Variants in TMED5 observed in about 807,000 individuals in gnomAD.
TMED5 encodes the protein transmembrane p24 trafficking protein 5, also known as transmembrane emp24 domain-containing protein 5.
Under a neutral mutation model 23.0 loss-of-function variants are expected in TMED5, and 27 were observed. The ratio of observed to expected loss-of-function variants is 1.17; its 90% confidence interval spans 0.86 to 1.62. The LOEUF (loss-of-function observed/expected upper bound fraction) is 1.62, where lower values mean the gene tolerates loss of function less well. Ranked by LOEUF, TMED5 falls within the 40% of genes most tolerant of loss-of-function variation. TMED5 has a pLI of 0.00. For missense variants in TMED5, 248 were observed against 273.7 expected (o/e 0.91, Z 0.66); for synonymous variants, 97 against 100.8 (o/e 0.96, Z 0.23).
chr1:93,163,461 C>CA (rs1648361034), intron 1 of TMED5, among the ~76,000 whole-genome samples: 1 of 151,406 alleles, frequency 6.6e-6, no homozygotes, highest in Non-Finnish European at 1.5e-5. Context: ...TCTCCCGCCT[C>CA]AGTGTCCTGA....
intron 1 of TMED5, among the ~76,000 whole-genome samples, chr1:93,178,140 G>A (rs1034457312): frequency 6.6e-6 from 1 of 152,068 alleles, no homozygotes; most frequent in African/African-American, 2.4e-5. Context: ...CAAAATTAAG[G>A]AAAACCTACT....
intron 2 of TMED5, among the ~76,000 whole-genome samples, chr1:93,156,712 G>A (rs1469591768): frequency 6.7e-6 from 1 of 149,736 alleles, no homozygotes; most frequent in Non-Finnish European, 1.5e-5. Context: ...AATTAGCAGA[G>A]TGTGAGGATT....
chr1:93,152,608 A>G lies in TMED5; in HGVS notation c.*2062T>C, dbSNP rs1409802978. 1 of 152,656 alleles carries G rather than the reference A, an allele frequency of 6.6e-6. No individual in the cohort carries two copies. 9.5% of individuals were successfully genotyped at this position (152,656 alleles called of 1,614,324 possible). On this transcript the variant is annotated 3_prime_UTR_variant, in exon 4 of 4. Coordinates refer to ENST00000370282, the MANE Select transcript of TMED5 (RefSeq NM_016040.5). The stretch of plus-strand genomic sequence containing the variant: ...AGGTTTAAGATCAGTGGCACAAATC[A>G]TACATGTAGAAGATTATGTAACAAA...
Position 93,149,968 on chromosome 1 carries a change from T to G in TMED5, c.*4702A>C, listed in dbSNP as rs1221865044. ...GAGTTCGAGACCAGCCTGGGCAACATGGCGAAATTAATTAGTCAGAAATAT... is the reference window on the plus strand; with the variant it reads ...GAGTTCGAGACCAGCCTGGGCAACAGGGCGAAATTAATTAGTCAGAAATAT... On this transcript the variant is annotated 3_prime_UTR_variant, in exon 4 of 4. Coordinates refer to ENST00000370282, the MANE Select transcript of TMED5 (RefSeq NM_016040.5). 6.6e-6 allele frequency: 1 copy of G among 152,176 alleles called. No homozygotes were observed. The highest frequency in any genetic ancestry group is 1.5e-5 in the Non-Finnish European group (1 of 68,042). The allele number at this position is 152,176 out of a possible 1,614,324, so 9.4% of individuals were successfully genotyped here. A position where few individuals can be genotyped will look rare whatever the true frequency, so the allele number is the denominator to read the frequency against.
chr1:93,157,123 T>G (rs1224767067), intron 2 of TMED5, among the ~76,000 whole-genome samples: 1 of 152,180 alleles, frequency 6.6e-6, no homozygotes, highest in Non-Finnish European at 1.5e-5. Context: ...TATGCAGATA[T>G]GACTGCCAAC....
At chr1:93,179,153 G>T (rs961774674) in intron 1 of TMED5, among the ~76,000 whole-genome samples, 1 of 152,142 alleles carries the variant, frequency 6.6e-6, no homozygotes, top group African/African-American at 2.4e-5. Context: ...CCTGAGGTCG[G>T]GAGTTCGAGA....
Position 93,180,262 on chromosome 1 carries a change from G to A in TMED5, c.-20C>T. On this transcript the variant is annotated 5_prime_UTR_variant, in exon 1 of 4. Transcript: ENST00000370282. ...GCCCATCCCTGCTGGGGCGATCCCGGGCTGAAAGAGGCGTCAGGTACTGTT... is the reference window on the plus strand; with the variant it reads ...GCCCATCCCTGCTGGGGCGATCCCGAGCTGAAAGAGGCGTCAGGTACTGTT... 6.3e-7 allele frequency: 1 copy of A among 1,593,350 alleles called. No individual in the cohort carries two copies. The highest frequency in any genetic ancestry group is 8.5e-7 in the Non-Finnish European group (1 of 1,173,058).
At chr1:93,165,762 G>A (rs1040147572) in intron 1 of TMED5, among the ~76,000 whole-genome samples, 1 of 152,170 alleles carries the variant, frequency 6.6e-6, no homozygotes, top group African/African-American at 2.4e-5. Context: ...CAACAAAAGT[G>A]CCTTACAAAG....
intron 1 of TMED5, 137 bp downstream of exon 1, chr1:93,179,917 G>A (rs1649229864): frequency 1.1e-6 from 1 of 935,546 alleles, no homozygotes; most frequent in Non-Finnish European, 1.5e-6. Context: ...GCGCCTGCGC[G>A]GAGCGGGCTG....
At chr1:93,156,572 T>C in intron 2 of TMED5, 89 bp from the exon 3 acceptor site, 3 of 998,802 alleles carry the variant, frequency 3.0e-6, no homozygotes, top group Non-Finnish European at 4.5e-6. Context: ...AGTAACAGGC[T>C]GAGTGTGTTG....
intron 3 of TMED5, chr1:93,156,031 C>G: frequency 7.0e-7 from 1 of 1,428,706 alleles, no homozygotes; most frequent in Non-Finnish European, 9.3e-7. Flanking sequence ...ATAAAACAAA[C>G]TTACCAAGAT....
chr1:93,158,910 C>G (rs1648171284), intron 2 of TMED5: 1 of 901,480 alleles, frequency 1.1e-6, no homozygotes, highest in African/African-American at 1.8e-5. Flanking sequence ...ACAGTTAATT[C>G]CAAGTATATC....
At chr1:93,157,608 C>G (rs1648118375) in intron 2 of TMED5, among the ~76,000 whole-genome samples, 1 of 152,026 alleles carries the variant, frequency 6.6e-6, no homozygotes, top group Admixed American at 6.5e-5. Context: ...CCTAGCTACT[C>G]GGGAGGCTTG....
chr1:93,157,890 C>T (rs1262352554), intron 2 of TMED5, among the ~76,000 whole-genome samples: 1 of 152,028 alleles, frequency 6.6e-6, no homozygotes, highest in African/African-American at 2.4e-5. Flanking sequence ...TTTGGGAGGC[C>T]GAGGCAGGCA....
At position 93,154,220 on chromosome 1, in the gene TMED5, A is replaced by G. The variant is rs575436381; in HGVS notation, c.*450T>C. 2.3e-4 allele frequency: 36 copies of G among 157,204 alleles called. No homozygotes were observed. The South Asian group carries it at 5.5e-3, about 24-fold the overall frequency. 9.7% of individuals were successfully genotyped at this position (157,204 alleles called of 1,614,324 possible). The stretch of plus-strand genomic sequence containing the variant: ...CTTTTGTAGTCTAAAGATTTATTCA[A>G]TCCATCATTAGGTAATTCTCAGGTG... On this transcript the variant is annotated 3_prime_UTR_variant, in exon 4 of 4. Transcript: ENST00000370282.
chr1:93,175,443 G>T (rs1333466544), intron 1 of TMED5, among the ~76,000 whole-genome samples: 1 of 147,816 alleles, frequency 6.8e-6, no homozygotes, highest in Non-Finnish European at 1.5e-5. Context: ...TGTATAAAAT[G>T]TGTGTATATA....
intron 2 of TMED5, among the ~76,000 whole-genome samples, chr1:93,158,600 G>A (rs1648158634): frequency 6.8e-6 from 1 of 147,012 alleles, no homozygotes; most frequent in Non-Finnish European, 1.5e-5. Context: ...TTTTGAGATG[G>A]AGTCTCTGTC....
intron 1 of TMED5, among the ~76,000 whole-genome samples, chr1:93,176,793 A>G (rs1648928238): frequency 6.6e-6 from 1 of 152,206 alleles, no homozygotes; most frequent in African/African-American, 2.4e-5. Flanking sequence ...GGCCTCCCAA[A>G]CTGTTGGGAT....
At chr1:93,168,225 A>G (rs1648575555) in intron 1 of TMED5, among the ~76,000 whole-genome samples, 1 of 152,230 alleles carries the variant, frequency 6.6e-6, no homozygotes, top group African/African-American at 2.4e-5. Flanking sequence ...AAGGGGGGAA[A>G]GATGTAAAAA....
Sources: allele counts gnomAD v4.1 joint callset (sites outside exome capture counted in the v4.1 genomes callset), GRCh38; gene constraint gnomAD v4.1.1; transcripts MANE v1.5; gene names NCBI Gene and HGNC (gene_info 2026-07-23, HGNC 2026-07-21).